PLA2R1: variants seen among roughly 807,000 people sequenced by gnomAD.
PLA2R1 encodes phospholipase A2 receptor 1.
Under a neutral mutation model 195.9 loss-of-function variants are expected in PLA2R1, and 158 were observed. That is an observed-to-expected ratio of 0.81 (90% confidence interval 0.71 to 0.92). PLA2R1 has a LOEUF of 0.92. PLA2R1 is among the 40% of genes least tolerant of loss of function. PLA2R1 has a pLI of 0.00. For missense variants in PLA2R1, 1,626 were observed against 1,764.6 expected (o/e 0.92, Z 1.41); for synonymous variants, 586 against 598.2 (o/e 0.98, Z 0.30).
At chr2:160,001,967 T>C (rs892775462) in intron 11 of PLA2R1, among the ~76,000 whole-genome samples, 5 of 151,002 alleles carry the variant, frequency 3.3e-5, no homozygotes, top group South Asian at 2.1e-4. Context: ...TCTGTTGACA[T>C]AGATGAAGCA....
At chr2:159,984,705 C>A (rs1690203276) in intron 12 of PLA2R1, among the ~76,000 whole-genome samples, 1 of 152,158 alleles carries the variant, frequency 6.6e-6, no homozygotes, top group South Asian at 2.1e-4. Context: ...TTCATGGTGG[C>A]AGGAAGAAGC....
chr2:159,927,654 C>T (rs1368473458), downstream of PLA2R1, among the ~76,000 whole-genome samples: 2 of 152,128 alleles, frequency 1.3e-5, no homozygotes, highest in African/African-American at 4.8e-5. Context: ...TGCATAAATG[C>T]AACTATATCT....
At chr2:159,957,567 A>G (rs1688170320) in intron 20 of PLA2R1, among the ~76,000 whole-genome samples, 1 of 151,952 alleles carries the variant, frequency 6.6e-6, no homozygotes, top group South Asian at 2.1e-4. Context: ...GTTGGCCAGG[A>G]TGGTCTTGAT....
chr2:159,951,315 G>T, intron 24 of PLA2R1, 25 bp downstream of exon 24: 1 of 1,263,856 alleles, frequency 7.9e-7, no homozygotes, highest in Non-Finnish European at 1.2e-6. Context: ...ATTCAAGGAT[G>T]TCTCAAGGGA....
intron 11 of PLA2R1, among the ~76,000 whole-genome samples, chr2:159,997,978 CTT>C (rs971060103): frequency 6.6e-6 from 1 of 152,076 alleles, no homozygotes; most frequent in Non-Finnish European, 1.5e-5. Flanking sequence ...TGATCTCTCT[CTT>C]TTTTCTTTTT....
In PLA2R1 at chr2:159,939,913, C is replaced by T. The variant is rs1318272328; in HGVS notation, c.*1865G>A. The T allele has an allele frequency of 2.0e-5, 3 of 152,044 alleles. No individual in the cohort carries two copies. The highest frequency in any genetic ancestry group is 6.5e-5 in the Admixed American group (1 of 15,272). 9.4% of individuals were successfully genotyped at this position (152,044 alleles called of 1,614,324 possible). A position where few individuals can be genotyped will look rare whatever the true frequency, so the allele number is the denominator to read the frequency against. On this transcript the variant is annotated 3_prime_UTR_variant, in exon 30 of 30. Transcript: ENST00000283243. ...TTTTGAGTCATAAATATGCAACTGC[C>T]ACATAATATAATATCTTTTAAAAAA...
Position 159,947,517 on chromosome 2 carries a change from G to A in PLA2R1, c.3752C>T (p.Ser1251Phe), listed in dbSNP as rs770171224. Residue 1251 changes from serine to phenylalanine, a missense_variant, in exon 26 of 30, where the codon TCT becomes TTT. By Grantham distance (155) the Ser-to-Phe change is radical (BLOSUM62 -2). Transcript: ENST00000283243. ...SEHPELCSET[S>F]IPWIKFKSNC... ...ACTTTTAAATTTTATCCAGGGAATA[G>A]ATGTTTCTGAGCACAACTCTGGGTG... 17 of 1,613,194 alleles carry A rather than the reference G, an allele frequency of 1.1e-5. No homozygotes were observed. The highest frequency in any genetic ancestry group is 1.4e-5 in the Non-Finnish European group (17 of 1,179,250).
intron 16 of PLA2R1, 90 bp downstream of exon 16, chr2:159,976,595 A>G: frequency 1.2e-6 from 1 of 819,356 alleles, no homozygotes; most frequent in Non-Finnish European, 2.0e-6. Flanking sequence ...TCGATTTGAG[A>G]AATGTAACAA....
At chr2:160,042,985 AG>A (rs1383738390) in intron 2 of PLA2R1, among the ~76,000 whole-genome samples, 1 of 152,000 alleles carries the variant, frequency 6.6e-6, no homozygotes, top group African/African-American at 2.4e-5. Flanking sequence ...CTGAGAGTGC[AG>A]GTCTTTAGAA....
At chr2:160,029,069 C>T (rs529632977) in intron 4 of PLA2R1, 106 bp from the exon 5 acceptor site, 9 of 685,906 alleles carry the variant, frequency 1.3e-5, no homozygotes, top group Middle Eastern at 2.4e-4. Context: ...CAGTCAATGA[C>T]GGGAAAGGTG....
intron 28 of PLA2R1, among the ~76,000 whole-genome samples, chr2:159,943,507 T>C (rs141521188): frequency 6.6e-6 from 1 of 152,300 alleles, no homozygotes; most frequent in East Asian, 1.9e-4. Context: ...TAAGAGTGTT[T>C]GTTCTCAGGA....
chr2:160,007,652 C>T (rs1036514429), intron 10 of PLA2R1, among the ~76,000 whole-genome samples: 1 of 152,092 alleles, frequency 6.6e-6, no homozygotes, highest in African/African-American at 2.4e-5. Context: ...ATAAACTACA[C>T]AAAGACTTGT....
Position 159,941,881 on chromosome 2 carries a change from C to A in PLA2R1, c.4289G>T (p.Arg1430Ile). The A allele has an allele frequency of 6.2e-7, 1 of 1,613,480 alleles. No homozygotes were observed. Among genetic ancestry groups the A allele is most frequent in the South Asian group, 1.1e-5 (1 of 91,062 alleles). ...GTAAGGATTCCGAAACCCTGCAAGTCTCCTGAAGAAGCCACCGTTATGCTT... is the reference window on the plus strand; with the variant it reads ...GTAAGGATTCCGAAACCCTGCAAGTATCCTGAAGAAGCCACCGTTATGCTT... ...IYKHNGGFFR[R>I]LAGFRNPYYP... The change falls in exon 30 of 30, where the codon AGA becomes ATA. Residue 1430 changes from arginine to isoleucine, a missense_variant. Transcript: ENST00000283243.
chr2:160,049,046 C>T (rs6749678), intron 1 of PLA2R1, among the ~76,000 whole-genome samples: 47,369 of 151,442 alleles, frequency 0.31, 8,255 homozygotes, highest in African/African-American at 0.44. Context: ...TTTCACCGTT[C>T]TAGCCGGGAT....
intron 3 of PLA2R1, among the ~76,000 whole-genome samples, chr2:160,040,889 T>C (rs946457985): frequency 6.6e-6 from 1 of 152,218 alleles, no homozygotes; most frequent in Admixed American, 6.5e-5. Context: ...GTACTTACTG[T>C]GTGCCAGATA....
At chr2:159,946,957 C>A in intron 26 of PLA2R1, 40 bp from the exon 27 acceptor site, 2 of 1,239,640 alleles carry the variant, frequency 1.6e-6, no homozygotes, top group East Asian at 2.4e-5. Context: ...TTTGTGTTTA[C>A]ACATAAATAT....
chr2:159,972,291 T>C (rs1233672892), intron 17 of PLA2R1, among the ~76,000 whole-genome samples: 4 of 152,164 alleles, frequency 2.6e-5, no homozygotes, highest in Admixed American at 1.3e-4. Flanking sequence ...AAATGGATGT[T>C]TGAAATTTTA....
chr2:159,978,613 A>C (rs1689736346), intron 14 of PLA2R1, among the ~76,000 whole-genome samples: 1 of 152,148 alleles, frequency 6.6e-6, no homozygotes, highest in Non-Finnish European at 1.5e-5. Flanking sequence ...TATGTGTCAC[A>C]TTTCTTTTTC....
At chr2:159,987,441 A>G in intron 11 of PLA2R1, 83 bp from the exon 12 acceptor site, 1 of 931,336 alleles carries the variant, frequency 1.1e-6, no homozygotes, top group East Asian at 2.6e-5. Context: ...AGTGTTGAAT[A>G]ATTGACATCT....
Sources: allele counts gnomAD v4.1 joint callset (sites outside exome capture counted in the v4.1 genomes callset), GRCh38; gene constraint gnomAD v4.1.1; transcripts MANE v1.5; gene names NCBI Gene and HGNC (gene_info 2026-07-23, HGNC 2026-07-21).